Variants in COL4A4 observed in about 807,000 individuals in gnomAD.
COL4A4 encodes collagen type IV alpha 4 chain.
A neutral mutation model predicts 192.9 loss-of-function variants in COL4A4; 105 were observed. The ratio of observed to expected loss-of-function variants is 0.54; its 90% confidence interval spans 0.46 to 0.64. COL4A4 has a LOEUF of 0.64. COL4A4 is among the 30% of genes least tolerant of loss of function. The pLI is 0.00. For missense variants in COL4A4, 1,967 were observed against 2,169.3 expected (o/e 0.91, Z 1.85); for synonymous variants, 762 against 769.9 (o/e 0.99, Z 0.17).
At chr2:227,009,510 C>A (rs555776604) in intron 46 of COL4A4, among the ~76,000 whole-genome samples, 4 of 152,080 alleles carry the variant, frequency 2.6e-5, no homozygotes, top group Non-Finnish European at 5.9e-5. Flanking sequence ...TCGAGACCTA[C>A]CTGGCCGCAA....
chr2:227,074,456 TG>T (rs1262765955), intron 25 of COL4A4, among the ~76,000 whole-genome samples: 1 of 152,104 alleles, frequency 6.6e-6, no homozygotes, highest in Non-Finnish European at 1.5e-5. Flanking sequence ...CTGATGGAAA[TG>T]TAAATTAGTA....
At chr2:227,036,890 CT>C (rs528519339) in intron 37 of COL4A4, among the ~76,000 whole-genome samples, 1 of 152,094 alleles carries the variant, frequency 6.6e-6, no homozygotes, top group Admixed American at 6.5e-5. Context: ...TTTCCAGATT[CT>C]TTTTTCTTAT....
Position 227,008,045 on chromosome 2 carries a change from G to T in COL4A4, c.4782C>A (p.Ser1594Arg), listed in dbSNP as rs200799557. ...TCAGGAATGAATACCCGATCCAGAG[G>T]CTCCTCCAGGTCTGCGGACATGGGG... The part of the protein sequence containing the change: ...SIPPCPQTWR[S>R]LWIGYSFLMH... The change falls in exon 47 of 48, where the codon AGC becomes AGA. Residue 1594 changes from serine (S) to arginine (R), a missense_variant. Ser to Arg is a moderately radical substitution (Grantham distance 110, BLOSUM62 -1). Transcript: ENST00000396625. The T allele has an allele frequency of 6.2e-7, 1 of 1,613,144 alleles. No individual in the cohort carries two copies. The highest frequency in any genetic ancestry group is 8.5e-7 in the Non-Finnish European group (1 of 1,180,052).
chr2:227,057,444 C>A lies in COL4A4; in HGVS notation c.2540G>T (p.Ser847Ile). 5.0e-6 allele frequency: 8 copies of A among 1,604,554 alleles called. No homozygotes were observed. Among genetic ancestry groups the A allele is most frequent in the Non-Finnish European group, 6.8e-6 (8 of 1,175,208 alleles). ...GQPGLPGYPG[S>I]PGAPGGKGQP... ...TCACAGTTCTTGACACTTACCTGGG[C>A]TACCTGGATACCCAGGGAGTCCCGG... The change falls in exon 29 of 48, where the codon AGC (serine) becomes ATC (isoleucine). Residue 847 changes from serine (S) to isoleucine (I), a missense_variant. Transcript: ENST00000396625.
At chr2:227,118,544 G>T in intron 7 of COL4A4, 101 bp downstream of exon 7, 1 of 915,516 alleles carries the variant, frequency 1.1e-6, no homozygotes, top group Non-Finnish European at 1.8e-6. Context: ...AATGCTCCAG[G>T]CACACTTGTA....
intron 2 of COL4A4, among the ~76,000 whole-genome samples, chr2:227,144,993 C>A (rs2063454152): frequency 6.6e-6 from 1 of 152,020 alleles, no homozygotes; most frequent in Non-Finnish European, 1.5e-5. Context: ...TGGAAGGAAA[C>A]CTAACTGGAC....
intron 12 of COL4A4, among the ~76,000 whole-genome samples, chr2:227,105,338 T>C (rs1007711863): frequency 6.6e-6 from 1 of 151,842 alleles, no homozygotes; most frequent in African/African-American, 2.4e-5. Context: ...TTACAGATAA[T>C]GCACCATCGT....
chr2:227,088,583 A>T (rs2059727351), intron 22 of COL4A4, 70 bp downstream of exon 22: 2 of 1,564,124 alleles, frequency 1.3e-6, no homozygotes, highest in Non-Finnish European at 1.8e-6. Context: ...TAGTATCTTT[A>T]TGGTAGTGTG....
In COL4A4 at chr2:227,067,144, C is replaced by A. The variant is rs1242734915; in HGVS notation, c.1988-4546G>T. 3.9e-5 allele frequency among the ~76,000 whole-genome samples: 6 copies of A among 152,162 alleles called. No individual in the cohort carries two copies. In the South Asian group the frequency reaches 1.0e-3, roughly 26 times the overall value. On this transcript the variant is annotated intron_variant, in intron 25 of 47. Transcript: ENST00000396625. Reference sequence around the variant, plus strand: ...AAGGCCATTACATAATGGGAAAGGGCTCAATTCAACAAGAAGAGCTAACTA... The same window carrying A: ...AAGGCCATTACATAATGGGAAAGGGATCAATTCAACAAGAAGAGCTAACTA...
In COL4A4 at chr2:227,010,427, G is replaced by A; in HGVS notation, c.4408C>T (p.Leu1470Phe). 1 of 1,613,900 alleles carries A rather than the reference G, an allele frequency of 6.2e-7. No homozygotes were observed. Among genetic ancestry groups the A allele is most frequent in the African/African-American group, 1.3e-5 (1 of 75,042 alleles). The stretch of plus-strand genomic sequence containing the variant: ...GGCTCCTGGTCCGTCTGACTGTGGA[G>A]AACCAGGAGGAAGCCACCGAGGTAT... Reference protein sequence around the residue: ...PGYLGGFLLVLHSQTDQEPTC... With the variant: ...PGYLGGFLLVFHSQTDQEPTC... Residue 1470 changes from leucine to phenylalanine, a missense_variant, in exon 46 of 48, where the codon CTC becomes TTC. Transcript: ENST00000396625.
rs148747622 is a variant in COL4A4, at chr2:227,123,563, G to A, written c.193-2415C>T. 2.2e-3 allele frequency among the ~76,000 whole-genome samples: 342 copies of A among 152,334 alleles called. 3 individuals carry two copies. The highest frequency in any genetic ancestry group is 7.2e-3 in the African/African-American group (301 of 41,572). On this transcript the variant is annotated intron_variant, in intron 4 of 47. Transcript: ENST00000396625. This position sits in a 1 kb window ranked among gnomAD's most constrained non-coding sequence, Gnocchi z 4.6. ...CACCTGGGACTTAACCCTGAGGGGA[G>A]CCCACATCTCAGTGTTATCCCGCCC... is the stretch of plus-strand genomic sequence containing the variant.
chr2:227,008,911 A>G (rs560330785), intron 46 of COL4A4, among the ~76,000 whole-genome samples: 6 of 152,240 alleles, frequency 3.9e-5, no homozygotes, highest in Admixed American at 1.3e-4. Context: ...GCCTTTGTCA[A>G]TCTCGTTAAG....
In COL4A4 at chr2:227,102,849, C is replaced by G. The variant is rs375450996; in HGVS notation, c.871-1G>C. On this transcript the variant is annotated splice_acceptor_variant, in intron 14 of 47. Transcript: ENST00000396625. LOFTEE classifies it high-confidence loss of function. ...CTTTTGCCCCAATACCAGATTCTCCCTTTAAGAGATGACAACATTTAGAGG... is the reference window on the plus strand; with the variant it reads ...CTTTTGCCCCAATACCAGATTCTCCGTTTAAGAGATGACAACATTTAGAGG... 3.1e-6 allele frequency: 5 copies of G among 1,612,292 alleles called. No individual in the cohort carries two copies. The highest frequency in any genetic ancestry group is 4.2e-6 in the Non-Finnish European group (5 of 1,178,798).
rs768151476 is a variant in COL4A4, at chr2:227,118,802, A to AGAT, written c.373-42_373-41insATC. ...TTATAAGTGAAGCATTTTTGCGAAA[A>AGAT]TATCATTACATAAAGGTTATGCAAT... On this transcript the variant is annotated intron_variant, in intron 6 of 47. Coordinates refer to ENST00000396625, the MANE Select transcript of COL4A4 (RefSeq NM_000092.5). 26 of 1,215,024 alleles carry AGAT rather than the reference A, an allele frequency of 2.1e-5. No individual in the cohort carries two copies. The East Asian group carries it at 5.8e-4, about 27-fold the overall frequency. 75.3% of individuals were successfully genotyped at this position (1,215,024 alleles called of 1,614,324 possible).
Position 227,056,073 on chromosome 2 carries a change from G to T in COL4A4, c.2588C>A (p.Pro863His), listed in dbSNP as rs1405239064. The change falls in exon 30 of 48, where the codon CCC becomes CAC. Residue 863 changes from proline (P) to histidine (H), a missense_variant. Coordinates refer to ENST00000396625, the MANE Select transcript of COL4A4 (RefSeq NM_000092.5). ...GKGQPGDVGP[P>H]GPAGMKGLPG... ...GAGGCCTTTCATTCCAGCTGGCCCGGGAGGCCCCACATCTCCCGGCTGTCC... is the reference window on the plus strand; with the variant it reads ...GAGGCCTTTCATTCCAGCTGGCCCGTGAGGCCCCACATCTCCCGGCTGTCC... 2.5e-6 allele frequency: 4 copies of T among 1,613,884 alleles called. No homozygotes were observed. The African/African-American group carries it at 5.3e-5, about 22-fold the overall frequency.
At chr2:227,135,730 C>T (rs1375412769) in intron 4 of COL4A4, among the ~76,000 whole-genome samples, 1 of 152,110 alleles carries the variant, frequency 6.6e-6, no homozygotes, top group Non-Finnish European at 1.5e-5. Flanking sequence ...GTAACCTCCG[C>T]CTCATGGGTT....
At chr2:227,139,084 A>G (rs995943181) in intron 4 of COL4A4, among the ~76,000 whole-genome samples, 2 of 152,316 alleles carry the variant, frequency 1.3e-5, no homozygotes, top group South Asian at 4.1e-4. Flanking sequence ...ATGAATGCCC[A>G]TATAAATGGG....
intron 30 of COL4A4, 59 bp downstream of exon 30, chr2:227,055,886 T>C (rs1390774234): frequency 4.0e-6 from 6 of 1,490,420 alleles, no homozygotes; most frequent in Non-Finnish European, 4.6e-6. Flanking sequence ...CAGTCTTCAC[T>C]TGGCAGTGGA....
At chr2:227,020,788 G>A (rs1288335381) in intron 44 of COL4A4, among the ~76,000 whole-genome samples, 1 of 152,040 alleles carries the variant, frequency 6.6e-6, no homozygotes, top group Non-Finnish European at 1.5e-5. Flanking sequence ...ACTTCTAGAT[G>A]CCCAGCCCTG....
Sources: allele counts gnomAD v4.1 joint callset (sites outside exome capture counted in the v4.1 genomes callset), GRCh38; gene constraint gnomAD v4.1.1; non-coding constraint Gnocchi (gnomAD v3.1); transcripts MANE v1.5; gene names NCBI Gene and HGNC (gene_info 2026-07-23, HGNC 2026-07-21).